The following SEMA6D variants were observed in gnomAD, a reference collection of about 807,000 sequenced individuals.
SEMA6D encodes the protein semaphorin 6D, also known as semaphorin-6D.
A neutral mutation model predicts 106.6 loss-of-function variants in SEMA6D; 35 were observed. The ratio of observed to expected loss-of-function variants is 0.33; its 90% CI spans 0.25 to 0.44. The LOEUF (loss-of-function observed/expected upper bound fraction) is 0.44. Among genes scored for constraint, SEMA6D ranks in the 20% least tolerant of loss-of-function variants. SEMA6D has a pLI of 1.00. For missense variants in SEMA6D, 1,185 were observed against 1,345.9 expected (o/e 0.88, Z 1.87); for synonymous variants, 499 against 487.7 (o/e 1.02, Z -0.31).
At chr15:47,328,740 A>G (rs756726572) in intron 1 of SEMA6D, among the ~76,000 whole-genome samples, 10 of 152,206 alleles carry the variant, frequency 6.6e-5, no homozygotes, top group Non-Finnish European at 1.2e-4. Flanking sequence ...TCATCCAAGC[A>G]AGCTCTCACC....
In SEMA6D at chr15:47,657,539, T is replaced by G. The variant is rs79544084; in HGVS notation, c.-55+56643T>G. Among the ~76,000 whole-genome samples, 953 of 152,064 alleles carry G rather than the reference T, an allele frequency of 6.3e-3. 5 individuals carry two copies. The highest frequency in any genetic ancestry group is 0.021 in the African/African-American group (891 of 41,510). Reference sequence around the variant, plus strand: ...TTTTTGCATTTCCTAATATTCTTATTACATGTATTTTACAATTTAATTCAG... The same window carrying G: ...TTTTTGCATTTCCTAATATTCTTATGACATGTATTTTACAATTTAATTCAG... On this transcript the variant is annotated intron_variant, in intron 4 of 19. Transcript: ENST00000558014.
At chr15:47,351,581 T>C (rs996560178) in intron 1 of SEMA6D, among the ~76,000 whole-genome samples, 1 of 152,166 alleles carries the variant, frequency 6.6e-6, no homozygotes, top group African/African-American at 2.4e-5. Flanking sequence ...TGGCTAGTTT[T>C]AGACCTTCTT....
intron 1 of SEMA6D, among the ~76,000 whole-genome samples, chr15:47,217,566 G>GGTGTGTGTGT (rs146342466): frequency 2.7e-3 from 399 of 145,910 alleles, no homozygotes; most frequent in African/African-American, 9.5e-3. Flanking sequence ...CGCGTGCACG[G>GGTGTGTGTGT]GTGTGTGTGT....
At chr15:47,705,705 G>C (rs939553985) in intron 4 of SEMA6D, among the ~76,000 whole-genome samples, 1 of 152,058 alleles carries the variant, frequency 6.6e-6, no homozygotes, top group East Asian at 1.9e-4. Flanking sequence ...GAATACCTAA[G>C]ACCAGTTCCC....
chr15:47,380,139 A>G (rs1466231611), intron 1 of SEMA6D, among the ~76,000 whole-genome samples: 5 of 152,246 alleles, frequency 3.3e-5, no homozygotes, highest in Non-Finnish European at 7.3e-5. Flanking sequence ...TGATTGGGTA[A>G]TTAAAACTAG....
At chr15:47,259,855 G>T (rs1033845880) in intron 1 of SEMA6D, among the ~76,000 whole-genome samples, 2 of 151,768 alleles carry the variant, frequency 1.3e-5, no homozygotes, top group Non-Finnish European at 2.9e-5. Flanking sequence ...CAAAGGCTGT[G>T]ATTTTTTTTT....
At chr15:47,759,242 G>C (rs1028094432) in intron 1 of SEMA6D, among the ~76,000 whole-genome samples, 1 of 152,120 alleles carries the variant, frequency 6.6e-6, no homozygotes, top group East Asian at 1.9e-4. Flanking sequence ...GGGTAATGCT[G>C]GGAATTTGGC....
At chr15:47,188,449 A>G (rs991005811) in intron 1 of SEMA6D, among the ~76,000 whole-genome samples, 1 of 152,222 alleles carries the variant, frequency 6.6e-6, no homozygotes, top group Non-Finnish European at 1.5e-5. Flanking sequence ...AGACAATGCA[A>G]ATTAATGATT....
intron 3 of SEMA6D, among the ~76,000 whole-genome samples, chr15:47,509,590 T>C (rs1404365720): frequency 6.6e-6 from 1 of 152,230 alleles, no homozygotes; most frequent in Non-Finnish European, 1.5e-5. Flanking sequence ...TCCATACAGC[T>C]ACTTTCTATC....
chr15:47,443,027 A>AAG (rs1350175278), intron 2 of SEMA6D, among the ~76,000 whole-genome samples: 1 of 152,146 alleles, frequency 6.6e-6, no homozygotes, highest in Non-Finnish European at 1.5e-5. Flanking sequence ...AGATTATTAC[A>AAG]AGAGAGAGCA....
chr15:47,518,759 T>A (rs1291732698), intron 3 of SEMA6D, among the ~76,000 whole-genome samples: 1 of 152,184 alleles, frequency 6.6e-6, no homozygotes, highest in Non-Finnish European at 1.5e-5. Context: ...AATATCATTG[T>A]CTTCCACCTC....
intron 3 of SEMA6D, among the ~76,000 whole-genome samples, chr15:47,501,606 T>G (rs1174144786): frequency 1.3e-5 from 2 of 152,204 alleles, no homozygotes; most frequent in African/African-American, 4.8e-5. Flanking sequence ...AGTTCCCCAC[T>G]TCCTCTCATT....
chr15:47,452,014 G>T (rs2042209334), intron 2 of SEMA6D, among the ~76,000 whole-genome samples: 2 of 151,916 alleles, frequency 1.3e-5, no homozygotes, highest in Non-Finnish European at 2.9e-5. Flanking sequence ...GAAGGCCATT[G>T]GTACTTAGTG....
chr15:47,318,261 T>A (rs1226979031), intron 1 of SEMA6D, among the ~76,000 whole-genome samples: 1 of 151,602 alleles, frequency 6.6e-6, no homozygotes, highest in Non-Finnish European at 1.5e-5. Flanking sequence ...AATTTTTCTT[T>A]TTTTTAAAAT....
intron 3 of SEMA6D, among the ~76,000 whole-genome samples, chr15:47,571,902 G>T (rs898779220): frequency 7.2e-5 from 11 of 152,120 alleles, no homozygotes; most frequent in African/African-American, 2.7e-4. Context: ...ACAAAGAGAT[G>T]ATTTTTTCTT....
chr15:47,724,482 G>A (rs2079612764), intron 1 of SEMA6D, among the ~76,000 whole-genome samples: 3 of 152,208 alleles, frequency 2.0e-5, no homozygotes, highest in South Asian at 4.1e-4. Flanking sequence ...GGTTATTTCT[G>A]GCTAGGGTGG....
chr15:47,240,277 G>C (rs191039467), intron 1 of SEMA6D, among the ~76,000 whole-genome samples: 131 of 152,220 alleles, frequency 8.6e-4, no homozygotes, highest in African/African-American at 3.0e-3. Flanking sequence ...CTCTGAATGA[G>C]GACCTCTGAT....
intron 4 of SEMA6D, among the ~76,000 whole-genome samples, chr15:47,644,583 A>G (rs2077546799): frequency 6.6e-6 from 1 of 152,174 alleles, no homozygotes; most frequent in African/African-American, 2.4e-5. Context: ...TGCCCTTACA[A>G]AGGGGCTTGA....
At chr15:47,684,168 G>A (rs886204357) in intron 4 of SEMA6D, among the ~76,000 whole-genome samples, 1 of 152,068 alleles carries the variant, frequency 6.6e-6, no homozygotes. Context: ...ACTAAAATGG[G>A]TGTTCGTGTT....
Sources: allele counts gnomAD v4.1 joint callset (sites outside exome capture counted in the v4.1 genomes callset), GRCh38; gene constraint gnomAD v4.1.1; transcripts MANE v1.5; gene names NCBI Gene and HGNC (gene_info 2026-07-23, HGNC 2026-07-21).